The following AMBRA1 variants were observed in gnomAD, a reference collection of about 807,000 sequenced individuals.
AMBRA1 encodes the protein activating molecule in BECN1-regulated autophagy protein 1.
In AMBRA1, 47 loss-of-function variants were observed where a neutral mutation model predicts 125.4. That is an observed-to-expected ratio of 0.37 (90% CI 0.30 to 0.48). The LOEUF (loss-of-function observed/expected upper bound fraction) is 0.48, where lower values mean the gene tolerates loss of function less well. Ranked by LOEUF, AMBRA1 falls within the 20% of genes least tolerant of loss-of-function variation. The pLI is 0.99. For missense variants in AMBRA1, 1,331 were observed against 1,693.4 expected, an observed-to-expected ratio of 0.79 and a Z score of 3.76; for synonymous variants, 626 against 655.5, an observed-to-expected ratio of 0.95 and a Z score of 0.69.
intron 4 of AMBRA1, chr11:46,545,989 G>T (rs1591083659): frequency 1.2e-5 from 5 of 429,540 alleles, no homozygotes; most frequent in East Asian, 4.5e-5. Flanking sequence ...CTTCAAATTA[G>T]TCACAATCTA....
intron 1 of AMBRA1, among the ~76,000 whole-genome samples, chr11:46,593,058 T>C (rs1252288276): frequency 1.3e-5 from 2 of 152,112 alleles, no homozygotes; most frequent in Non-Finnish European, 2.9e-5. Context: ...CTGTCATTGC[T>C]ACACTAGTTA....
chr11:46,557,841 G>A (rs958821521), intron 1 of AMBRA1, among the ~76,000 whole-genome samples: 3 of 152,080 alleles, frequency 2.0e-5, no homozygotes, highest in African/African-American at 7.2e-5. Context: ...GCATGGTGAT[G>A]CATGCCTGTA....
At chr11:46,583,272 T>C (rs1591188295) in intron 1 of AMBRA1, among the ~76,000 whole-genome samples, 1 of 151,756 alleles carries the variant, frequency 6.6e-6, no homozygotes, top group South Asian at 2.1e-4. Context: ...ATTTAATAAA[T>C]GGTGCTGGGA....
rs959883023 is a variant in AMBRA1 at position 46,428,573 on chromosome 11, ACTT to A, written c.2976+4898_2976+4900del. 521 of 1,100,978 alleles carry A rather than the reference ACTT, an allele frequency of 4.7e-4. 3 individuals are homozygous for A. The highest frequency in any genetic ancestry group is 1.2e-4 in the African/African-American group (8 of 64,408). 68.2% of individuals were successfully genotyped at this position (1,100,978 alleles called of 1,614,324 possible). ...CGATTAGGCAATGAGGATCTTTTCC[ACTT>A]CTTCTTCTTCTTCTTCTTTTTTTTT... is the stretch of plus-strand genomic sequence containing the variant. On this transcript the variant is annotated intron_variant, in intron 14 of 17. Transcript: ENST00000683756.
At chr11:46,547,040 C>A in intron 4 of AMBRA1, 73 bp downstream of exon 4, 1 of 1,425,336 alleles carries the variant, frequency 7.0e-7, no homozygotes, top group Admixed American at 2.2e-5. Flanking sequence ...CACTGGGCAA[C>A]AGAGCGAGAC....
chr11:46,397,929 A>T lies in AMBRA1; in HGVS notation c.3418T>A (p.Tyr1140Asn), dbSNP rs751812076. ...AGCGCATCTTCTCCACTGGCACCATACTCTGAACCCTCACCTGGCAGATAC... is the reference window on the plus strand; with the variant it reads ...AGCGCATCTTCTCCACTGGCACCATTCTCTGAACCCTCACCTGGCAGATAC... The part of the protein sequence containing the change: ...SGPGEGEGSE[Y>N]GASGEDALSR... The change falls in exon 18 of 18, where the codon TAT becomes AAT. Residue 1140 changes from tyrosine (Y) to asparagine (N), a missense_variant. Coordinates refer to ENST00000683756, the MANE Select transcript of AMBRA1 (RefSeq NM_001387011.1). 6.3e-7 allele frequency: 1 copy of T among 1,591,868 alleles called. No homozygotes were observed. Among genetic ancestry groups the T allele is most frequent in the Non-Finnish European group, 8.5e-7 (1 of 1,173,800 alleles).
chr11:46,527,782 A>G (rs141439160), intron 7 of AMBRA1, among the ~76,000 whole-genome samples: 1 of 152,202 alleles, frequency 6.6e-6, no homozygotes, highest in East Asian at 1.9e-4. Flanking sequence ...GATGACCACT[A>G]TAAAAAGAAA....
chr11:46,578,830 G>A (rs1328039358), intron 1 of AMBRA1, among the ~76,000 whole-genome samples: 3 of 130,720 alleles, frequency 2.3e-5, no homozygotes, highest in Non-Finnish European at 4.7e-5. Flanking sequence ...GCAGTGAGCC[G>A]AGATTGCACC....
At chr11:46,528,132 A>G (rs1027722664) in intron 7 of AMBRA1, among the ~76,000 whole-genome samples, 3 of 152,254 alleles carry the variant, frequency 2.0e-5, no homozygotes, top group African/African-American at 7.2e-5. Context: ...GCCTTTGAAA[A>G]GAAGGAAATT....
intron 11 of AMBRA1, among the ~76,000 whole-genome samples, chr11:46,483,931 G>T (rs1182342272): frequency 1.3e-5 from 2 of 152,102 alleles, no homozygotes; most frequent in Admixed American, 6.6e-5. Flanking sequence ...TAGGGGGTTA[G>T]TTAGCATGGG....
At chr11:46,532,612 T>C (rs1426935204) in intron 7 of AMBRA1, among the ~76,000 whole-genome samples, 1 of 152,170 alleles carries the variant, frequency 6.6e-6, no homozygotes, top group Admixed American at 6.5e-5. Flanking sequence ...AATTTTTGTA[T>C]TTTTAGCAGA....
chr11:46,415,384 T>A (rs940196076), intron 15 of AMBRA1, among the ~76,000 whole-genome samples: 1 of 152,242 alleles, frequency 6.6e-6, no homozygotes, highest in African/African-American at 2.4e-5. Context: ...TGTGTTATTG[T>A]GGCATATTTT....
chr11:46,588,892 T>G (rs558131160), intron 1 of AMBRA1, among the ~76,000 whole-genome samples: 1 of 152,260 alleles, frequency 6.6e-6, no homozygotes, highest in Non-Finnish European at 1.5e-5. Context: ...ATACCTACTG[T>G]GTGATCTTGG....
At chr11:46,497,124 T>TAAATA (rs935781253) in intron 9 of AMBRA1, among the ~76,000 whole-genome samples, 90 of 150,954 alleles carry the variant, frequency 6.0e-4, no homozygotes, top group African/African-American at 1.8e-3. Flanking sequence ...AATAAATAAA[T>TAAATA]AAATAAAATA....
At chr11:46,506,244 TCTC>T (rs1029304099) in intron 9 of AMBRA1, among the ~76,000 whole-genome samples, 2 of 152,176 alleles carry the variant, frequency 1.3e-5, no homozygotes, top group African/African-American at 4.8e-5. Context: ...GCTCTGCTCT[TCTC>T]CTGCAGTTGA....
At chr11:46,590,912 CAAA>C (rs554383816) in intron 1 of AMBRA1, among the ~76,000 whole-genome samples, 9 of 76,718 alleles carry the variant, frequency 1.2e-4, no homozygotes, top group Admixed American at 3.2e-4. Flanking sequence ...GACTCCATCT[CAAA>C]AAAAAAAAAA....
At chr11:46,410,155 G>T in intron 16 of AMBRA1, 121 bp downstream of exon 16, 1 of 812,358 alleles carries the variant, frequency 1.2e-6, no homozygotes, top group Non-Finnish European at 2.1e-6. Flanking sequence ...AGATCAAGGA[G>T]GTGCTGCTCT....
intron 17 of AMBRA1, among the ~76,000 whole-genome samples, chr11:46,401,333 C>T (rs544996064): frequency 2.0e-5 from 3 of 152,300 alleles, no homozygotes; most frequent in South Asian, 2.1e-4. Flanking sequence ...CTCCACTTCC[C>T]GGGTTCATGC....
At chr11:46,517,939 G>T (rs951248496) in intron 7 of AMBRA1, among the ~76,000 whole-genome samples, 1 of 151,536 alleles carries the variant, frequency 6.6e-6, no homozygotes, top group Non-Finnish European at 1.5e-5. Context: ...TATAGAGAGA[G>T]AGAGAACAAA....
Sources: allele counts gnomAD v4.1 joint callset (sites outside exome capture counted in the v4.1 genomes callset), GRCh38; gene constraint gnomAD v4.1.1; transcripts MANE v1.5; gene names NCBI Gene and HGNC (gene_info 2026-07-23, HGNC 2026-07-21).